Variants in FSTL5 observed in about 807,000 individuals in gnomAD.
FSTL5 encodes follistatin like 5.
Under a neutral mutation model 89.1 loss-of-function variants are expected in FSTL5, and 62 were observed. The observed-to-expected ratio is 0.70, with a 90% confidence interval of 0.57 to 0.86. The LOEUF is 0.86. Among genes scored for constraint, FSTL5 ranks in the 40% least tolerant of loss-of-function variants. The pLI is 0.00. For synonymous variants in FSTL5, 383 were observed against 346.2 expected (o/e 1.11, Z -1.18); for missense variants, 1,057 against 1,001.6 (o/e 1.06, Z -0.75).
At chr4:161,708,173 T>A (rs1160341686) in intron 6 of FSTL5, among the ~76,000 whole-genome samples, 1 of 152,066 alleles carries the variant, frequency 6.6e-6, no homozygotes, top group Non-Finnish European at 1.5e-5. Flanking sequence ...AAATCTTGTC[T>A]CCTTGTAGGA....
intron 15 of FSTL5, among the ~76,000 whole-genome samples, chr4:161,446,395 T>C (rs949711653): frequency 2.0e-5 from 3 of 152,084 alleles, no homozygotes; most frequent in Non-Finnish European, 4.4e-5. Context: ...TAAGCCACAG[T>C]AGAATGCTTT....
intron 7 of FSTL5, among the ~76,000 whole-genome samples, chr4:161,616,163 T>A (rs1734861436): frequency 6.6e-6 from 1 of 152,038 alleles, no homozygotes; most frequent in Non-Finnish European, 1.5e-5. Flanking sequence ...CTCGACTCAC[T>A]GCAACCTCTG....
chr4:161,541,899 T>C (rs985446238), intron 9 of FSTL5, among the ~76,000 whole-genome samples: 1 of 151,950 alleles, frequency 6.6e-6, no homozygotes, highest in Admixed American at 6.6e-5. Flanking sequence ...ACTTAAATTA[T>C]TTGACCTTAC....
At chr4:161,979,606 T>G (rs1316061348) in intron 3 of FSTL5, among the ~76,000 whole-genome samples, 14 of 152,132 alleles carry the variant, frequency 9.2e-5, no homozygotes, top group Non-Finnish European at 4.4e-5. Flanking sequence ...TTCAATATCT[T>G]ACACTATATT....
intron 15 of FSTL5, among the ~76,000 whole-genome samples, chr4:161,446,264 AG>A: frequency 6.6e-6 from 1 of 152,188 alleles, no homozygotes; most frequent in African/African-American, 2.4e-5. Context: ...AAAATAAAAA[AG>A]TGATGTGTAT....
intron 4 of FSTL5, among the ~76,000 whole-genome samples, chr4:161,846,000 G>T (rs957764299): frequency 1.3e-5 from 2 of 150,992 alleles, no homozygotes; most frequent in African/African-American, 4.9e-5. Flanking sequence ...GAGCTGAGAT[G>T]ATGCCACTGT....
chr4:162,037,197 T>C (rs1207798959), intron 2 of FSTL5, among the ~76,000 whole-genome samples: 1 of 151,864 alleles, frequency 6.6e-6, no homozygotes, highest in Non-Finnish European at 1.5e-5. Flanking sequence ...TGATAGAATA[T>C]AATTGGGGGC....
rs5863476 is a variant in FSTL5 at position 161,693,636 on chromosome 4, C to CTTTT, written c.728-37146_728-37143dup. Among the ~76,000 whole-genome samples, 908 of 105,190 alleles carry CTTTT rather than the reference C, an allele frequency of 8.6e-3. 5 individuals are homozygous for CTTTT. Among genetic ancestry groups the CTTTT allele is most frequent in the Non-Finnish European group, 0.011 (637 of 57,276 alleles). 69.0% of individuals were successfully genotyped at this position (105,190 alleles called of 152,430 possible). ...ATGTTGATAGTATTTTCTTGTAAAT[C>CTTTT]TTTTTTTTTTTTTTTTTTTTGAGAC... is the stretch of plus-strand genomic sequence containing the variant. On this transcript the variant is annotated intron_variant, in intron 6 of 15. Transcript: ENST00000306100.
Position 161,566,155 on chromosome 4 carries a change from C to CA in FSTL5, c.1015+21299_1015+21300insT, listed in dbSNP as rs1165016281. On this transcript the variant is annotated intron_variant, in intron 8 of 15. Coordinates refer to ENST00000306100, the MANE Select transcript of FSTL5 (RefSeq NM_020116.5). Reference sequence around the variant, plus strand: ...ATATATACACACACACACACACACACCGTGGAATGCTCCTCAGCCATTAAA... The same window carrying CA: ...ATATATACACACACACACACACACACACGTGGAATGCTCCTCAGCCATTAAA... Among the ~76,000 whole-genome samples, 50 of 131,884 alleles carry CA rather than the reference C, an allele frequency of 3.8e-4. 1 individual carries two copies. Among genetic ancestry groups the CA allele is most frequent in the African/African-American group, 1.4e-3 (47 of 34,606 alleles). The allele number at this position is 131,884 out of a possible 152,430, so 86.5% of individuals were successfully genotyped here.
intron 1 of FSTL5, among the ~76,000 whole-genome samples, chr4:162,129,895 GA>G (rs1732229805): frequency 6.6e-6 from 1 of 152,170 alleles, no homozygotes; most frequent in Non-Finnish European, 1.5e-5. Context: ...ATTTCTTTGA[GA>G]TTTACTCATC....
In FSTL5 at chr4:162,138,540, ATACT is replaced by A. The variant is rs1732603955; in HGVS notation, c.-17+25071_-17+25074del. ...AAAAAGAAAAAATATCAAGACTCTC[ATACT>A]TACTGAGATAAATTTTAATAAGACC... is the stretch of plus-strand genomic sequence containing the variant. On this transcript the variant is annotated intron_variant, in intron 1 of 15. Coordinates refer to ENST00000306100, the MANE Select transcript of FSTL5 (RefSeq NM_020116.5). 3.9e-5 allele frequency among the ~76,000 whole-genome samples: 6 copies of A among 152,254 alleles called. No individual in the cohort carries two copies. In the South Asian group the frequency reaches 1.2e-3, roughly 32 times the overall value.
At chr4:161,980,304 GA>G in intron 3 of FSTL5, among the ~76,000 whole-genome samples, 1 of 151,772 alleles carries the variant, frequency 6.6e-6, no homozygotes, top group Non-Finnish European at 1.5e-5. Context: ...AGAAAGAAAG[GA>G]AAGAAGATAA....
chr4:161,410,083 G>A (rs28873211), intron 15 of FSTL5, among the ~76,000 whole-genome samples: 16,220 of 152,148 alleles, frequency 0.11, 864 homozygotes, highest in Non-Finnish European at 0.12. Context: ...CAGAGTTGCT[G>A]TTCTTATATC....
At chr4:162,089,651 GAA>G (rs76543135) in intron 2 of FSTL5, among the ~76,000 whole-genome samples, 10,184 of 83,012 alleles carry the variant, frequency 0.12, 555 homozygotes, top group East Asian at 0.21. Context: ...AAAAAAAAAA[GAA>G]AAAAAAGAAA....
chr4:161,906,267 A>T (rs946506391), intron 4 of FSTL5, among the ~76,000 whole-genome samples: 1 of 152,202 alleles, frequency 6.6e-6, no homozygotes, highest in African/African-American at 2.4e-5. Context: ...GTTAAAGTAA[A>T]GAAATTCACC....
chr4:161,969,178 A>G (rs1027262773), intron 3 of FSTL5, among the ~76,000 whole-genome samples: 5 of 152,124 alleles, frequency 3.3e-5, no homozygotes, highest in African/African-American at 1.2e-4. Context: ...TTTGGTAGAG[A>G]GTACAGTTAT....
Position 161,385,816 on chromosome 4 carries a change from G to C in FSTL5, c.2475C>G (p.Leu825=). The C allele has an allele frequency of 6.2e-7, 1 of 1,612,384 alleles. No homozygotes were observed. Among genetic ancestry groups the C allele is most frequent in the Non-Finnish European group, 8.5e-7 (1 of 1,179,522 alleles). Reference sequence around the variant, plus strand: ...CAGTGATCTCACAGTTTAATTTATTGAGTCGTCCATCTAGGATGAAGAGAG... The same window carrying C: ...CAGTGATCTCACAGTTTAATTTATTCAGTCGTCCATCTAGGATGAAGAGAG... ...KDSLFILDGR[L]NKLNCEITEV... is the part of the protein sequence containing the mutation. The change falls in exon 16 of 16, where the codon CTC becomes CTG. Residue 825 remains leucine (L), a synonymous_variant. Coordinates refer to ENST00000306100, the MANE Select transcript of FSTL5 (RefSeq NM_020116.5).
At chr4:161,859,730 G>T (rs546164859) in intron 4 of FSTL5, among the ~76,000 whole-genome samples, 5 of 152,248 alleles carry the variant, frequency 3.3e-5, no homozygotes, top group African/African-American at 1.2e-4. Context: ...ATAGAAGGGA[G>T]GTATAGCAAC....
intron 15 of FSTL5, among the ~76,000 whole-genome samples, chr4:161,406,454 G>C (rs1356684292): frequency 6.6e-6 from 1 of 152,108 alleles, no homozygotes; most frequent in Non-Finnish European, 1.5e-5. Flanking sequence ...CCTGGAGAAT[G>C]CTCCATATTT....
Sources: allele counts gnomAD v4.1 joint callset (sites outside exome capture counted in the v4.1 genomes callset), GRCh38; gene constraint gnomAD v4.1.1; transcripts MANE v1.5; gene names NCBI Gene and HGNC (gene_info 2026-07-23, HGNC 2026-07-21).